WDR72: variants seen among roughly 807,000 people sequenced by gnomAD.
WDR72 encodes the protein WD repeat-containing protein 72.
Under a neutral mutation model 124.2 loss-of-function variants are expected in WDR72, and 120 were observed. That is an observed-to-expected ratio of 0.97 (90% CI 0.83 to 1.12). The LOEUF is 1.12. Ranked by LOEUF, WDR72 falls within the 50% of genes most tolerant of loss-of-function variation. The probability of loss-of-function intolerance (pLI) is 0.00; values close to 1 mark genes in which losing one functional copy is unlikely to be tolerated. For synonymous variants in WDR72, 452 were observed against 441.7 expected, an observed-to-expected ratio of 1.02 and a Z score of -0.29; for missense variants, 1,387 against 1,278.8, an observed-to-expected ratio of 1.08 and a Z score of -1.29.
Position 53,733,039 on chromosome 15 carries a change from T to C in WDR72, c.111A>G (p.Gln37=). ...DDQRTIVTGS[Q]EGQLCLWNLS... ...GATTCCAGAGACAGAGCTGACCCTC[T>C]TGACTTCCAGTCACAATCGTTCGCT... The change falls in exon 2 of 20, where the codon CAA becomes CAG. Residue 37 remains glutamine (Q), a synonymous_variant. Transcript: ENST00000360509. 6.2e-7 allele frequency: 1 copy of C among 1,614,112 alleles called. No individual in the cohort carries two copies. Among genetic ancestry groups the C allele is most frequent in the Non-Finnish European group, 8.5e-7 (1 of 1,179,974 alleles).
intron 7 of WDR72, 124 bp from the exon 8 acceptor site, chr15:53,711,605 T>C: frequency 9.9e-7 from 1 of 1,012,540 alleles, no homozygotes; most frequent in Non-Finnish European, 1.5e-6. Flanking sequence ...CATACTGTAC[T>C]CTCATATTAA....
At chr15:53,700,542 T>G (rs1378220261) in intron 12 of WDR72, among the ~76,000 whole-genome samples, 1 of 152,164 alleles carries the variant, frequency 6.6e-6, no homozygotes, top group Non-Finnish European at 1.5e-5. Flanking sequence ...AGATACTTTT[T>G]AAGAAGTCAG....
At position 53,523,244 on chromosome 15, in the gene WDR72, CAT is replaced by C; in HGVS notation, c.3225_3226del (p.Ala1077LeufsTer5). 6.2e-7 allele frequency: 1 copy of C among 1,613,126 alleles called. No homozygotes were observed. Among genetic ancestry groups the C allele is most frequent in the South Asian group, 1.1e-5 (1 of 91,066 alleles). ...TGGACTCTCAGACTCTTCCAAGGCA[CAT>C]CTGTCAGGCATGTCCTCCACGTCTT... On this transcript the variant is annotated frameshift_variant, in exon 19 of 20. Coordinates refer to ENST00000360509, the MANE Select transcript of WDR72 (RefSeq NM_182758.4). LOFTEE classifies it high-confidence loss of function.
upstream of WDR72, among the ~76,000 whole-genome samples, chr15:53,760,895 G>A (rs2019051156): frequency 6.6e-6 from 1 of 152,124 alleles, no homozygotes; most frequent in African/African-American, 2.4e-5. Context: ...AGGGCGAGGT[G>A]GGCAAATCAC....
intron 18 of WDR72, among the ~76,000 whole-genome samples, chr15:53,552,369 T>C (rs1275386408): frequency 1.3e-5 from 2 of 152,146 alleles, no homozygotes; most frequent in Non-Finnish European, 2.9e-5. Context: ...ACAAAGCACA[T>C]GGTCACATCT....
intron 17 of WDR72, among the ~76,000 whole-genome samples, chr15:53,601,867 A>C (rs2013059840): frequency 6.6e-6 from 1 of 152,182 alleles, no homozygotes; most frequent in Non-Finnish European, 1.5e-5. Flanking sequence ...ACCTACAAAG[A>C]GACTTAGATC....
intron 18 of WDR72, among the ~76,000 whole-genome samples, chr15:53,560,608 T>C (rs1297486727): frequency 6.6e-6 from 1 of 151,888 alleles, no homozygotes; most frequent in Non-Finnish European, 1.5e-5. Context: ...CTTATTTTTA[T>C]TTTGTGCTCT....
intron 14 of WDR72, among the ~76,000 whole-genome samples, chr15:53,628,751 TGGC>T (rs1209190417): frequency 6.6e-6 from 1 of 152,114 alleles, no homozygotes. Flanking sequence ...CTAGTCAAGA[TGGC>T]AAAGTTTGGA....
chr15:53,712,765 A>T lies in WDR72; in HGVS notation c.711+7T>A. On this transcript the variant is annotated splice_region_variant and intron_variant, in intron 7 of 19. Coordinates refer to ENST00000360509, the MANE Select transcript of WDR72 (RefSeq NM_182758.4). ...TCACTGGTATTTATTATGTTACTTT[A>T]TAATACCTTCCAACATTTAGAAAAT... The T allele has an allele frequency of 6.2e-7, 1 of 1,611,238 alleles. No homozygotes were observed. The highest frequency in any genetic ancestry group is 8.5e-7 in the Non-Finnish European group (1 of 1,177,912).
At chr15:53,559,669 A>G (rs554233460) in intron 18 of WDR72, among the ~76,000 whole-genome samples, 13 of 152,030 alleles carry the variant, frequency 8.6e-5, no homozygotes, top group Non-Finnish European at 1.9e-4. Flanking sequence ...CCGTTCCGAC[A>G]GCCACAGTAG....
chr15:53,619,204 G>A (rs1566988055), intron 14 of WDR72, among the ~76,000 whole-genome samples: 1 of 151,386 alleles, frequency 6.6e-6, no homozygotes, highest in Non-Finnish European at 1.5e-5. Context: ...AAATCTTTGT[G>A]GATATGGCTC....
intron 18 of WDR72, among the ~76,000 whole-genome samples, chr15:53,586,305 G>A (rs2012211038): frequency 1.3e-5 from 2 of 152,006 alleles, no homozygotes; most frequent in Admixed American, 1.3e-4. Context: ...TGATTTCAAT[G>A]TACTTTAAAT....
intron 18 of WDR72, among the ~76,000 whole-genome samples, chr15:53,559,572 C>A (rs1409930199): frequency 1.3e-5 from 2 of 151,974 alleles, no homozygotes; most frequent in Admixed American, 1.3e-4. Flanking sequence ...GCCTCCTTAA[C>A]AGAAACTAGC....
chr15:53,737,770 T>A (rs2018399057), intron 1 of WDR72, among the ~76,000 whole-genome samples: 2 of 152,168 alleles, frequency 1.3e-5, no homozygotes, highest in Admixed American at 1.3e-4. Flanking sequence ...TTTAAGGATA[T>A]TAAATACTTG....
Position 53,665,579 on chromosome 15 carries a change from G to A in WDR72, c.1955C>T (p.Ser652Leu), listed in dbSNP as rs1340122319. 6.2e-6 allele frequency: 10 copies of A among 1,613,660 alleles called. No homozygotes were observed. The highest frequency in any genetic ancestry group is 8.5e-6 in the Non-Finnish European group (10 of 1,179,800). The stretch of plus-strand genomic sequence containing the variant: ...AGCTTGATTTGAACTTACCTTACAT[G>A]AAGACTCCACCTGCAGACCAGGGCA... Reference protein sequence around the residue: ...LPCPGLQVESSCKVTDAKFCP... With the variant: ...LPCPGLQVESLCKVTDAKFCP... Residue 652 changes from serine (S) to leucine (L), a missense_variant, in exon 14 of 20, where the codon TCA (serine) becomes TTA (leucine). Physicochemically the swap from Ser to Leu is moderately radical, Grantham distance 145. Transcript: ENST00000360509.
chr15:53,710,742 T>G lies in WDR72; in HGVS notation c.954+115A>C, dbSNP rs552960. 8.3e-6 allele frequency: 7 copies of G among 840,150 alleles called. No individual in the cohort carries two copies. The South Asian group carries it at 8.6e-5, about 10-fold the overall frequency. 52.0% of individuals were successfully genotyped at this position (840,150 alleles called of 1,614,324 possible). A position where few individuals can be genotyped will look rare whatever the true frequency, so the allele number is the denominator to read the frequency against. ...AAACTTGATTTTCTCATTAACAACT[T>G]GATGGGATGCTTCAATTCAATTTTT... On this transcript the variant is annotated intron_variant, in intron 9 of 19. Transcript: ENST00000360509.
intron 17 of WDR72, among the ~76,000 whole-genome samples, chr15:53,609,019 C>T (rs1053476708): frequency 9.2e-5 from 14 of 151,972 alleles, no homozygotes; most frequent in African/African-American, 3.1e-4. Context: ...TTATTTCTAA[C>T]ACAAAGGACA....
At chr15:53,592,990 C>A (rs1011162219) in intron 18 of WDR72, among the ~76,000 whole-genome samples, 3 of 151,974 alleles carry the variant, frequency 2.0e-5, no homozygotes, top group Non-Finnish European at 1.5e-5. Flanking sequence ...AATATTAAGA[C>A]CTCAAATAAA....
chr15:53,722,191 G>A (rs1409868771), intron 3 of WDR72, among the ~76,000 whole-genome samples: 2 of 151,810 alleles, frequency 1.3e-5, no homozygotes, highest in African/African-American at 4.8e-5. Flanking sequence ...GCATCACCAT[G>A]CCCAGGCCAA....
Sources: allele counts gnomAD v4.1 joint callset (sites outside exome capture counted in the v4.1 genomes callset), GRCh38; gene constraint gnomAD v4.1.1; transcripts MANE v1.5; gene names NCBI Gene and HGNC (gene_info 2026-07-23, HGNC 2026-07-21).